ZNF366: variants seen among roughly 807,000 people sequenced by gnomAD.
ZNF366 encodes the protein dendritic cell-specific transcript protein.
A neutral mutation model predicts 47.2 loss-of-function variants in ZNF366; 20 were observed. The observed-to-expected ratio is 0.42, with a 90% CI of 0.30 to 0.62. ZNF366 has a LOEUF of 0.62. Among genes scored for constraint, ZNF366 ranks in the 20% least tolerant of loss-of-function variants. The pLI is 0.16. For missense variants in ZNF366, 987 were observed against 976.3 expected, an observed-to-expected ratio of 1.01 and a Z score of -0.15; for synonymous variants, 421 against 395.1, an observed-to-expected ratio of 1.07 and a Z score of -0.78.
At chr5:72,445,365 G>A (rs1412020959) in intron 4 of ZNF366, among the ~76,000 whole-genome samples, 1 of 42,354 alleles carries the variant, frequency 2.4e-5, no homozygotes, top group African/African-American at 7.2e-5. Flanking sequence ...CTTCTGGGAG[G>A]GGGTGAAAAA....
chr5:72,494,234 G>A (rs1407337864), intron 1 of ZNF366: 10 of 152,060 alleles, frequency 6.6e-5, no homozygotes, highest in Admixed American at 6.5e-4. Flanking sequence ...CTGAAGATCC[G>A]TGGAGCTATA....
intron 1 of ZNF366, among the ~76,000 whole-genome samples, chr5:72,504,986 C>G (rs759455478): frequency 2.3e-4 from 35 of 152,206 alleles, no homozygotes; most frequent in Non-Finnish European, 2.8e-4. Context: ...AGAGACTGTG[C>G]TCTACTCACT....
chr5:72,469,370 GAAAT>G (rs1743497512), intron 1 of ZNF366, among the ~76,000 whole-genome samples: 1 of 152,086 alleles, frequency 6.6e-6, no homozygotes, highest in Non-Finnish European at 1.5e-5. Flanking sequence ...AAATATAAAA[GAAAT>G]ATACAAAAAA....
chr5:72,464,575 T>C (rs1393551114), intron 1 of ZNF366, among the ~76,000 whole-genome samples: 2 of 152,212 alleles, frequency 1.3e-5, no homozygotes, highest in Non-Finnish European at 2.9e-5. Context: ...GCTATTTCTT[T>C]AAACATAAAT....
Position 72,440,867 on chromosome 5 carries a change from C to T in ZNF366, c.*2889G>A, listed in dbSNP as rs1742844089. The T allele has an allele frequency of 6.6e-6, 1 of 152,178 alleles. No homozygotes were observed. The highest frequency in any genetic ancestry group is 1.5e-5 in the Non-Finnish European group (1 of 68,042). The allele number at this position is 152,178 out of a possible 1,614,324, so 9.4% of individuals were successfully genotyped here. ...CATCAGGTTAGATCTAATTAAGTGT[C>T]TTATGCCCAGAGTCAACAACTAAAA... On this transcript the variant is annotated 3_prime_UTR_variant, in exon 5 of 5. Coordinates refer to ENST00000318442, the MANE Select transcript of ZNF366 (RefSeq NM_152625.3).
rs867345747 is a variant in ZNF366 at position 72,507,355 on chromosome 5, T to A, written c.-119A>T. 2.1e-5 allele frequency: 21 copies of A among 985,396 alleles called. No homozygotes were observed. The African/African-American group carries it at 3.7e-4, about 17-fold the overall frequency. The allele number at this position is 985,396 out of a possible 1,614,324, so 61.0% of individuals were successfully genotyped here. The stretch of plus-strand genomic sequence containing the variant: ...TCTCCCTCTTTCTCTTGTGTACAGA[T>A]TGCAGGGAACTTAAAGAACTCGCAG... On this transcript the variant is annotated 5_prime_UTR_variant, in exon 1 of 5. Transcript: ENST00000318442.
At chr5:72,480,559 G>A (rs191406920) in intron 1 of ZNF366, among the ~76,000 whole-genome samples, 207 of 152,090 alleles carry the variant, frequency 1.4e-3, no homozygotes, top group African/African-American at 4.6e-3. Context: ...TATAAAAGGA[G>A]TACATTAGAT....
At chr5:72,478,598 C>T (rs1435480502) in intron 1 of ZNF366, among the ~76,000 whole-genome samples, 1 of 152,116 alleles carries the variant, frequency 6.6e-6, no homozygotes, top group Non-Finnish European at 1.5e-5. Context: ...TTTGGAAAGT[C>T]AGTTAAATTT....
At chr5:72,474,402 C>T (rs2112338975) in intron 1 of ZNF366, among the ~76,000 whole-genome samples, 1 of 152,276 alleles carries the variant, frequency 6.6e-6, no homozygotes, top group South Asian at 2.1e-4. Flanking sequence ...TTGATTAAAT[C>T]TGTGAGGGTT....
chr5:72,499,992 T>C (rs1744182823), intron 1 of ZNF366, among the ~76,000 whole-genome samples: 1 of 152,214 alleles, frequency 6.6e-6, no homozygotes, highest in African/African-American at 2.4e-5. Context: ...TCTTGATTTC[T>C]GTTCCAAGAG....
chr5:72,484,866 A>C (rs994466811), intron 1 of ZNF366, among the ~76,000 whole-genome samples: 1 of 152,218 alleles, frequency 6.6e-6, no homozygotes, highest in Non-Finnish European at 1.5e-5. Flanking sequence ...CAAAGTATTC[A>C]ATTTTAAAAT....
At position 72,460,431 on chromosome 5, in the gene ZNF366, C is replaced by T. The variant is rs937187808; in HGVS notation, c.1066G>A (p.Glu356Lys). 12 of 1,614,058 alleles carry T rather than the reference C, an allele frequency of 7.4e-6. No individual in the cohort carries two copies. The African/African-American group carries it at 1.3e-4, about 18-fold the overall frequency. ...TCGCGCCCACTGGCGTGCTTGGCTT[C>T]GTGGGCCTTGAGCTCGCTGGGGTAG... is the stretch of plus-strand genomic sequence containing the variant. ...FAYPSELKAH[E>K]AKHASGRENI... Residue 356 changes from glutamate (E) to lysine (K), a missense_variant, in exon 2 of 5, where the codon GAA becomes AAA. Physicochemically the swap from Glu to Lys is moderately conservative, Grantham distance 56. This residue lies in a region of ZNF366 where 591 missense variants were observed against 560.9 expected (regional missense o/e 1.05). Coordinates refer to ENST00000318442, the MANE Select transcript of ZNF366 (RefSeq NM_152625.3).
chr5:72,460,797 C>T lies in ZNF366; in HGVS notation c.700G>A (p.Val234Met), dbSNP rs778659389. 2.5e-6 allele frequency: 4 copies of T among 1,614,110 alleles called. No homozygotes were observed. The highest frequency in any genetic ancestry group is 2.2e-5 in the East Asian group (1 of 44,876). ...TAGCTGTCATCGATCTGCACGTTCA[C>T]GTCCACCCTCTCCACCTTCTGCTTG... ...ETKQKVERVD[V>M]NVQIDDSYYV... Residue 234 changes from valine to methionine, a missense_variant, in exon 2 of 5, where the codon GTG (valine) becomes ATG (methionine). Transcript: ENST00000318442.
At chr5:72,449,267 A>T (rs1428331614) in intron 3 of ZNF366, among the ~76,000 whole-genome samples, 2 of 139,856 alleles carry the variant, frequency 1.4e-5, no homozygotes, top group Non-Finnish European at 1.5e-5. Context: ...TTTTTTTGAG[A>T]TGGAGTCTCG....
chr5:72,505,095 T>A lies in ZNF366; in HGVS notation c.-15+2156A>T, dbSNP rs550755609. ...AATTGTAATTTAGTTATGTGTACAG[T>A]TTTGGCAGAAATTAACGAATAAAAT... is the stretch of plus-strand genomic sequence containing the variant. On this transcript the variant is annotated intron_variant, in intron 1 of 4. Transcript: ENST00000318442. 3.9e-5 allele frequency among the ~76,000 whole-genome samples: 6 copies of A among 152,320 alleles called. No homozygotes were observed. The South Asian group carries it at 1.2e-3, about 32-fold the overall frequency.
At chr5:72,452,531 G>GC (rs1398345046) in intron 3 of ZNF366, among the ~76,000 whole-genome samples, 2 of 152,156 alleles carry the variant, frequency 1.3e-5, no homozygotes, top group Admixed American at 6.5e-5. Flanking sequence ...GCCCCTCAAA[G>GC]CCCCCCATCT....
At position 72,460,989 on chromosome 5, in the gene ZNF366, G is replaced by A. The variant is rs375705102; in HGVS notation, c.508C>T (p.Leu170=). The A allele has an allele frequency of 6.2e-6, 10 of 1,614,066 alleles. No individual in the cohort carries two copies. Among genetic ancestry groups the A allele is most frequent in the Non-Finnish European group, 8.5e-6 (10 of 1,180,010 alleles). ...GGGTAGTAGGGGTAGGGCGTGGGCA[G>A]GAATGGAGTGGGCGTTGGCTGGGGC... ...VWPQPTPTPF[L]PTPYPYYPKV... is the part of the protein sequence containing the mutation. The change falls in exon 2 of 5, where the codon CTG becomes TTG. Residue 170 remains leucine, a synonymous_variant. Transcript: ENST00000318442.
At chr5:72,504,085 G>GCACACACACA (rs1456757575) in intron 1 of ZNF366, among the ~76,000 whole-genome samples, 1 of 150,798 alleles carries the variant, frequency 6.6e-6, no homozygotes, top group Non-Finnish European at 1.5e-5. Context: ...ACACACATGC[G>GCACACACACA]CGCGCACACA....
At chr5:72,478,613 G>A (rs1478726306) in intron 1 of ZNF366, among the ~76,000 whole-genome samples, 1 of 152,138 alleles carries the variant, frequency 6.6e-6, no homozygotes, top group Non-Finnish European at 1.5e-5. Flanking sequence ...AAATTTGAGA[G>A]TCTATTTATT....
Sources: allele counts gnomAD v4.1 joint callset (sites outside exome capture counted in the v4.1 genomes callset), GRCh38; gene constraint gnomAD v4.1.1; regional missense constraint gnomAD v4.1.1; transcripts MANE v1.5; gene names NCBI Gene and HGNC (gene_info 2026-07-23, HGNC 2026-07-21).